TSHZ3: variants seen among roughly 807,000 people sequenced by gnomAD.
The protein encoded by TSHZ3 is teashirt zinc finger homeobox 3, also known as teashirt homolog 3.
Under a neutral mutation model 64.5 loss-of-function variants are expected in TSHZ3, and 10 were observed. The ratio of observed to expected loss-of-function variants is 0.16; its 90% CI spans 0.10 to 0.26. The LOEUF is 0.26. TSHZ3 is among the 10% of genes least tolerant of loss of function. The pLI is 1.00. For synonymous variants in TSHZ3, 608 were observed against 593.1 expected (o/e 1.03, Z -0.36); for missense variants, 1,242 against 1,421.7 (o/e 0.87, Z 2.03).
chr19:31,293,817 A>C (rs1976616893), intron 1 of TSHZ3, among the ~76,000 whole-genome samples: 1 of 152,180 alleles, frequency 6.6e-6, no homozygotes, highest in Non-Finnish European at 1.5e-5. Context: ...TGGCATGACA[A>C]CTGTACTCAG....
Position 31,279,335 on chromosome 19 carries a change from C to A in TSHZ3, c.458G>T (p.Ser153Ile). 6.2e-7 allele frequency: 1 copy of A among 1,613,404 alleles called. No individual in the cohort carries two copies. The highest frequency in any genetic ancestry group is 8.5e-7 in the Non-Finnish European group (1 of 1,179,776). ...GCCACAGCTGCTGCTGCTGCTACTG[C>A]TGCTGCTGCTGCTGCCGTTGTTCTT... is the stretch of plus-strand genomic sequence containing the variant. ...SEKNNGSSSS[S>I]SSSSSSCGSG... Residue 153 changes from serine to isoleucine, a missense_variant, in exon 2 of 2, where the codon AGC (serine) becomes ATC (isoleucine). Physicochemically the swap from Ser to Ile is moderately radical, Grantham distance 142 (BLOSUM62 -2). Around this residue, in one of 4 missense-constraint regions of TSHZ3, gnomAD observed 555 missense variants for 704.0 expected, o/e 0.79. Transcript: ENST00000240587. The surrounding 1 kb of genome is among the most constrained non-coding windows in gnomAD (Gnocchi z 6.4).
chr19:31,283,058 C>G (rs576087333), intron 1 of TSHZ3, among the ~76,000 whole-genome samples: 1 of 152,192 alleles, frequency 6.6e-6, no homozygotes, highest in Non-Finnish European at 1.5e-5. Context: ...AAGGGCTGGG[C>G]GCAGTGGCTC....
chr19:31,200,705 C>G (rs1317963011), intron 5 of TSHZ3, among the ~76,000 whole-genome samples: 2 of 152,024 alleles, frequency 1.3e-5, no homozygotes, highest in Non-Finnish European at 2.9e-5. Flanking sequence ...CAAGAGTGAA[C>G]CCTCATGTAA....
Position 31,279,999 on chromosome 19 carries a change from A to T in TSHZ3, c.41-247T>A, listed in dbSNP as rs1976334614. On this transcript the variant is annotated intron_variant, in intron 1 of 1. Transcript: ENST00000240587. The surrounding 1 kb of genome is among the most constrained non-coding windows in gnomAD (Gnocchi z 6.4). Reference sequence around the variant, plus strand: ...CTCTTCAAACATAATTTGCCACCTTATTCTTCTCAAGGGGCAACAGCTTGA... The same window carrying T: ...CTCTTCAAACATAATTTGCCACCTTTTTCTTCTCAAGGGGCAACAGCTTGA... Among the ~76,000 whole-genome samples the T allele has an allele frequency of 6.6e-6, 1 of 151,714 alleles. No individual in the cohort carries two copies.
rs140300976 is a variant in TSHZ3, at chr19:31,253,081, C to T, written n.64-10206G>A. ...ATCTTGATAATAGAGTCCTAGTGCA[C>T]GTCAAACATTTACTTGCTTAGTTAA... On this transcript the variant is annotated intron_variant and non_coding_transcript_variant, in intron 1 of 6. Transcript: ENST00000651361. Among the ~76,000 whole-genome samples, 21 of 152,272 alleles carry T rather than the reference C, an allele frequency of 1.4e-4. 1 individual carries two copies. The East Asian group carries it at 3.9e-3, about 28-fold the overall frequency.
chr19:31,237,164 CA>C (rs905505115), intron 3 of TSHZ3, among the ~76,000 whole-genome samples: 5 of 152,094 alleles, frequency 3.3e-5, no homozygotes, highest in African/African-American at 1.2e-4. Context: ...AACAAACAAA[CA>C]AAAAACAATC....
At chr19:31,229,256 G>A (rs188659133) in intron 3 of TSHZ3, among the ~76,000 whole-genome samples, 3 of 152,122 alleles carry the variant, frequency 2.0e-5, no homozygotes, top group South Asian at 2.1e-4. Flanking sequence ...ATCAAGTAAA[G>A]TTTGACCAAA....
At chr19:31,293,389 T>A (rs944552192) in intron 1 of TSHZ3, among the ~76,000 whole-genome samples, 1 of 152,186 alleles carries the variant, frequency 6.6e-6, no homozygotes, top group African/African-American at 2.4e-5. Context: ...AGCCCCACTT[T>A]ACCTTCTATG....
chr19:31,348,366 T>C (rs2021576769), intron 1 of TSHZ3, among the ~76,000 whole-genome samples: 1 of 151,590 alleles, frequency 6.6e-6, no homozygotes, highest in Non-Finnish European at 1.5e-5. Context: ...TAATGTTATG[T>C]GTGTGGTTTT....
downstream of TSHZ3, among the ~76,000 whole-genome samples, chr19:31,274,579 C>A (rs546261106): frequency 0.01 from 1,590 of 152,260 alleles, 30 homozygotes; most frequent in African/African-American, 0.036. Flanking sequence ...GAACCCCGGG[C>A]ATCCAGAAGA....
At chr19:31,209,140 T>A (rs914844397) in intron 4 of TSHZ3, among the ~76,000 whole-genome samples, 1 of 152,158 alleles carries the variant, frequency 6.6e-6, no homozygotes, top group Admixed American at 6.5e-5. Flanking sequence ...AAAGACCTTA[T>A]GACTCCATGT....
At chr19:31,293,104 A>T (rs1599630550) in intron 1 of TSHZ3, among the ~76,000 whole-genome samples, 1 of 149,502 alleles carries the variant, frequency 6.7e-6, no homozygotes, top group East Asian at 2.0e-4. Flanking sequence ...CATCCACCCA[A>T]AAACGTACCC....
At chr19:31,151,246 G>T (rs1407082445) in exon 7 of TSHZ3, among the ~76,000 whole-genome samples, 1 of 152,168 alleles carries the variant, frequency 6.6e-6, no homozygotes, top group Non-Finnish European at 1.5e-5. Context: ...AGCCTCTCTA[G>T]GGAGATATTA....
intron 1 of TSHZ3, among the ~76,000 whole-genome samples, chr19:31,347,445 T>A (rs2021550740): frequency 6.6e-6 from 1 of 151,814 alleles, no homozygotes; most frequent in African/African-American, 2.4e-5. Context: ...AAAATGTGTA[T>A]CCAAAAAGGA....
At chr19:31,250,228 T>G (rs180718308) in intron 1 of TSHZ3, among the ~76,000 whole-genome samples, 18 of 152,356 alleles carry the variant, frequency 1.2e-4, no homozygotes, top group Non-Finnish European at 1.9e-4. Flanking sequence ...CAAGCAGACA[T>G]TGTTACCCTT....
chr19:31,266,854 C>A (rs1049585892), intron 1 of TSHZ3, among the ~76,000 whole-genome samples: 1 of 152,186 alleles, frequency 6.6e-6, no homozygotes, highest in Non-Finnish European at 1.5e-5. Flanking sequence ...ATCTAGGGAC[C>A]AAGCCCCTGT....
intron 5 of TSHZ3, among the ~76,000 whole-genome samples, chr19:31,169,124 A>G (rs1043695984): frequency 4.0e-5 from 6 of 151,450 alleles, no homozygotes; most frequent in Non-Finnish European, 5.9e-5. Context: ...TGAAAAAAAA[A>G]AGAGAGAGAG....
intron 1 of TSHZ3, among the ~76,000 whole-genome samples, chr19:31,284,098 C>T (rs1976412870): frequency 6.6e-6 from 1 of 152,164 alleles, no homozygotes; most frequent in Non-Finnish European, 1.5e-5. Context: ...TGCTACTTAA[C>T]TTTCTGTGCA....
chr19:31,224,393 C>T (rs1301710370), intron 4 of TSHZ3, among the ~76,000 whole-genome samples: 2 of 152,200 alleles, frequency 1.3e-5, no homozygotes, highest in Non-Finnish European at 2.9e-5. Context: ...GTGTAATGCT[C>T]TCTGTGCTAA....
Sources: gnomAD v4.1 joint callset for allele counts (sites outside exome capture counted in the v4.1 genomes callset) on GRCh38, gnomAD v4.1.1 for gene constraint, gnomAD v4.1.1 regional missense constraint, Gnocchi (gnomAD v3.1) non-coding constraint, MANE v1.5 for transcripts, NCBI Gene and HGNC (gene_info 2026-07-23, HGNC 2026-07-21) for gene names.